The following BICD1 variants were observed in gnomAD, a reference collection of about 807,000 sequenced individuals.
BICD1 encodes BICD cargo adaptor 1, also known as protein bicaudal D homolog 1.
BICD1 carries 35 observed loss-of-function variants against 92.5 expected under a neutral mutation model. That is an observed-to-expected ratio of 0.38 (90% confidence interval 0.29 to 0.50). BICD1 has a LOEUF of 0.50. Ranked by LOEUF, BICD1 falls within the 20% of genes least tolerant of loss-of-function variation. The probability of loss-of-function intolerance (pLI) is 0.93; values close to 1 mark genes in which losing one functional copy is unlikely to be tolerated. For missense variants in BICD1, 950 were observed against 1,189.8 expected (o/e 0.80, Z 2.97); for synonymous variants, 429 against 465.1 (o/e 0.92, Z 1.00).
At chr12:32,241,456 TAC>T (rs913011196) in intron 2 of BICD1, among the ~76,000 whole-genome samples, 2 of 152,194 alleles carry the variant, frequency 1.3e-5, no homozygotes, top group Admixed American at 6.5e-5. Flanking sequence ...ATCCTCCAAG[TAC>T]ACAGTCTGAT....
chr12:32,290,530 T>C (rs1441772526), intron 2 of BICD1, among the ~76,000 whole-genome samples: 17 of 152,238 alleles, frequency 1.1e-4, no homozygotes, highest in Admixed American at 1.1e-3. Flanking sequence ...GCTCTGCTAA[T>C]GTCTCTTTTG....
chr12:32,250,713 G>C (rs1946502324), intron 2 of BICD1, among the ~76,000 whole-genome samples: 1 of 152,186 alleles, frequency 6.6e-6, no homozygotes, highest in African/African-American at 2.4e-5. Flanking sequence ...AGGCGCAGTG[G>C]CTCATGCCTG....
At chr12:32,209,731 C>G (rs1945159590) in intron 1 of BICD1, among the ~76,000 whole-genome samples, 1 of 145,208 alleles carries the variant, frequency 6.9e-6, no homozygotes. Flanking sequence ...AGGGAAAGGC[C>G]AGGTTCTAGG....
At chr12:32,212,058 G>A (rs1447493136) in intron 1 of BICD1, among the ~76,000 whole-genome samples, 6 of 152,166 alleles carry the variant, frequency 3.9e-5, no homozygotes, top group South Asian at 2.1e-4. Context: ...GACTGAACAA[G>A]CCAGGCACCA....
chr12:32,293,610 G>A (rs2261943), intron 2 of BICD1, among the ~76,000 whole-genome samples: 50,540 of 151,678 alleles, frequency 0.33, 8,974 homozygotes, highest in Non-Finnish European at 0.41. Context: ...GATTACAGGT[G>A]TGAGCCACAG....
chr12:32,354,142 T>A (rs891350669), intron 8 of BICD1: 3 of 152,240 alleles, frequency 2.0e-5, no homozygotes, highest in African/African-American at 7.2e-5. Flanking sequence ...GATTTTTGCA[T>A]GAATATTACT....
intron 2 of BICD1, among the ~76,000 whole-genome samples, chr12:32,291,259 G>A (rs1260348375): frequency 2.0e-5 from 3 of 152,294 alleles, no homozygotes; most frequent in Admixed American, 6.5e-5. Flanking sequence ...AATATGGGCC[G>A]GGTGTAGTGG....
chr12:32,189,442 A>C (rs868289386), intron 1 of BICD1, among the ~76,000 whole-genome samples: 9 of 152,176 alleles, frequency 5.9e-5, no homozygotes, highest in Non-Finnish European at 1.0e-4. Flanking sequence ...ATATAATGGC[A>C]GGTCAGAAAT....
At chr12:32,306,455 A>G (rs996908708) in intron 4 of BICD1, among the ~76,000 whole-genome samples, 6 of 151,910 alleles carry the variant, frequency 3.9e-5, no homozygotes, top group East Asian at 4.0e-4. Flanking sequence ...CGTATTAGCC[A>G]GGATGGTCTC....
At chr12:32,342,128 A>ATATATATATGTGTGTG (rs1555170778) in intron 8 of BICD1, among the ~76,000 whole-genome samples, 1 of 102,738 alleles carries the variant, frequency 9.7e-6, no homozygotes, top group African/African-American at 3.0e-5. Flanking sequence ...ATATATATGT[A>ATATATATATGTGTGTG]TATATATATG....
At chr12:32,273,915 T>C (rs1194431926) in intron 2 of BICD1, among the ~76,000 whole-genome samples, 1 of 152,150 alleles carries the variant, frequency 6.6e-6, no homozygotes, top group Admixed American at 6.5e-5. Context: ...ACACAGGAAC[T>C]GAAGAGGCCA....
At chr12:32,330,758 C>T (rs772293769) in intron 5 of BICD1, among the ~76,000 whole-genome samples, 3 of 152,070 alleles carry the variant, frequency 2.0e-5, no homozygotes, top group Non-Finnish European at 4.4e-5. Flanking sequence ...TTAGATAAGG[C>T]TTACACAAGG....
chr12:32,337,885 G>T lies in BICD1; in HGVS notation c.2570+69G>T. ...TTTAGTTAACTGCAAAAATAAATGT[G>T]CTCTTGTTGTGGAGGATGGAGGAGG... On this transcript the variant is annotated intron_variant, in intron 7 of 9. Transcript: ENST00000652176. The surrounding 1 kb of genome is among the most constrained non-coding windows in gnomAD (Gnocchi z 4.7). The T allele has an allele frequency of 6.5e-7, 1 of 1,543,624 alleles. No individual in the cohort carries two copies. The highest frequency in any genetic ancestry group is 8.9e-7 in the Non-Finnish European group (1 of 1,119,178).
In BICD1 at chr12:32,327,703, T is replaced by C; in HGVS notation, c.1248T>C (p.Leu416=). The part of the protein sequence containing the change: ...YEVDINGLEI[L]ECKYRVAVTE... ...TGGACATCAATGGTTTAGAGATCCT[T>C]GAATGCAAATACAGGGTGGCAGTAA... Residue 416 remains leucine, a synonymous_variant, in exon 5 of 10, where the codon CTT becomes CTC. Coordinates refer to ENST00000652176, the MANE Select transcript of BICD1 (RefSeq NM_001714.4). The C allele has an allele frequency of 6.2e-7, 1 of 1,614,090 alleles. No homozygotes were observed. Among genetic ancestry groups the C allele is most frequent in the South Asian group, 1.1e-5 (1 of 91,076 alleles).
At chr12:32,116,020 T>TG in intron 1 of BICD1, among the ~76,000 whole-genome samples, 1 of 151,938 alleles carries the variant, frequency 6.6e-6, no homozygotes, top group Non-Finnish European at 1.5e-5. Flanking sequence ...GTGCAGGAGG[T>TG]GGGGAGAAAA....
intron 2 of BICD1, among the ~76,000 whole-genome samples, chr12:32,249,454 T>A (rs894140045): frequency 6.6e-6 from 1 of 152,206 alleles, no homozygotes; most frequent in Non-Finnish European, 1.5e-5. Flanking sequence ...CCTTGTCTCT[T>A]TTCCCCCTTA....
At chr12:32,107,602 C>T in intron 1 of BICD1, 58 bp downstream of exon 1, 1 of 1,499,860 alleles carries the variant, frequency 6.7e-7, no homozygotes, top group Non-Finnish European at 9.0e-7. Flanking sequence ...CCGCAAGGCC[C>T]ACTCATCATG....
intron 1 of BICD1, among the ~76,000 whole-genome samples, chr12:32,110,495 T>A (rs903069808): frequency 7.9e-5 from 12 of 152,176 alleles, no homozygotes; most frequent in Admixed American, 6.5e-4. Context: ...GTATGTCCAC[T>A]AGAATACTTG....
chr12:32,371,549 T>G (rs1939739926), intron 9 of BICD1, among the ~76,000 whole-genome samples: 1 of 152,050 alleles, frequency 6.6e-6, no homozygotes, highest in African/African-American at 2.4e-5. Flanking sequence ...TTTGTTGTTG[T>G]TTTTGTTTGT....
Sources: gnomAD v4.1 joint callset for allele counts (sites outside exome capture counted in the v4.1 genomes callset) on GRCh38, gnomAD v4.1.1 for gene constraint, Gnocchi (gnomAD v3.1) non-coding constraint, MANE v1.5 for transcripts, NCBI Gene and HGNC (gene_info 2026-07-23, HGNC 2026-07-21) for gene names.